Variants in TMEM178B observed in about 807,000 individuals in gnomAD.
TMEM178B encodes transmembrane protein 178B.
TMEM178B carries 5 observed loss-of-function variants against 31.0 expected under a neutral mutation model. The ratio of observed to expected loss-of-function variants is 0.16; its 90% CI spans 0.08 to 0.34. The LOEUF (loss-of-function observed/expected upper bound fraction) is 0.34. Among genes scored for constraint, TMEM178B ranks in the 10% least tolerant of loss-of-function variants. The pLI, the probability that TMEM178B is intolerant of heterozygous loss-of-function variation, is 1.00. For synonymous variants in TMEM178B, 164 were observed against 164.0 expected (o/e 1.00, Z 0.00); for missense variants, 275 against 400.3 (o/e 0.69, Z 2.67).
chr7:141,110,185 T>G (rs1227514298), intron 1 of TMEM178B, among the ~76,000 whole-genome samples: 1 of 152,236 alleles, frequency 6.6e-6, no homozygotes, highest in Non-Finnish European at 1.5e-5. Flanking sequence ...GTTTCTTTAT[T>G]CATTCAACAG....
At chr7:141,200,428 A>G (rs541262263) in intron 1 of TMEM178B, among the ~76,000 whole-genome samples, 8 of 152,224 alleles carry the variant, frequency 5.3e-5, no homozygotes, top group African/African-American at 1.9e-4. Flanking sequence ...GGGGGGAGAC[A>G]GGATGGCTTG....
At chr7:141,183,821 T>C (rs1796567558) in intron 1 of TMEM178B, among the ~76,000 whole-genome samples, 1 of 152,216 alleles carries the variant, frequency 6.6e-6, no homozygotes, top group Non-Finnish European at 1.5e-5. Flanking sequence ...AAGTGACAGG[T>C]CCTGAGCTGA....
intron 2 of TMEM178B, among the ~76,000 whole-genome samples, chr7:141,314,075 G>A (rs188898186): frequency 6.6e-5 from 10 of 152,318 alleles, no homozygotes; most frequent in African/African-American, 2.4e-4. Flanking sequence ...CCTCGGCTGA[G>A]TATCACCACC....
At position 141,422,127 on chromosome 7, in the gene TMEM178B, A is replaced by C. The variant is rs117861257; in HGVS notation, c.497-15481A>C. 7.6e-3 allele frequency among the ~76,000 whole-genome samples: 1,162 copies of C among 152,234 alleles called. 6 individuals carry two copies. The highest frequency in any genetic ancestry group is 0.013 in the Non-Finnish European group (851 of 68,012). The stretch of plus-strand genomic sequence containing the variant: ...TCAGCTTCTTTATTTTTACGATTCT[A>C]CCTGCTCCCTGTTAACCCTATTACT... On this transcript the variant is annotated intron_variant, in intron 2 of 3. Coordinates refer to ENST00000565468, the MANE Select transcript of TMEM178B (RefSeq NM_001195278.2). The surrounding 1 kb of genome is among the most constrained non-coding windows in gnomAD (Gnocchi z 4.2).
At chr7:141,176,053 C>T (rs1186699022) in intron 1 of TMEM178B, among the ~76,000 whole-genome samples, 1 of 152,146 alleles carries the variant, frequency 6.6e-6, no homozygotes, top group Non-Finnish European at 1.5e-5. Flanking sequence ...AAAGGGAATG[C>T]TTCCAGTTTT....
intron 2 of TMEM178B, among the ~76,000 whole-genome samples, chr7:141,256,525 G>A (rs974508955): frequency 1.3e-5 from 2 of 152,188 alleles, no homozygotes; most frequent in South Asian, 2.1e-4. Context: ...GGTAGGGTTG[G>A]GGGTGTAGCC....
intron 1 of TMEM178B, among the ~76,000 whole-genome samples, chr7:141,130,517 T>C (rs1795577125): frequency 6.6e-6 from 1 of 152,212 alleles, no homozygotes; most frequent in South Asian, 2.1e-4. Context: ...AGCAGTTTGT[T>C]CTTTTTATTG....
At chr7:141,493,791 G>A in the TMEM178B span, among the ~76,000 whole-genome samples, 6 of 151,986 alleles carry the variant, frequency 3.9e-5, no homozygotes, top group South Asian at 1.2e-3. Context: ...CCTTCACCTG[G>A]TCTTCTAGAT....
chr7:141,235,783 T>C (rs909060835), intron 2 of TMEM178B, among the ~76,000 whole-genome samples: 4 of 152,212 alleles, frequency 2.6e-5, no homozygotes, highest in Non-Finnish European at 2.9e-5. Flanking sequence ...GGGCTCATTA[T>C]TGACCGAGCC....
intron 1 of TMEM178B, among the ~76,000 whole-genome samples, chr7:141,153,025 C>T (rs1183729645): frequency 6.6e-6 from 1 of 152,120 alleles, no homozygotes; most frequent in Non-Finnish European, 1.5e-5. Flanking sequence ...GCTGATAAAT[C>T]GTGGAACCAA....
chr7:141,426,486 A>G (rs936191986), intron 2 of TMEM178B, among the ~76,000 whole-genome samples: 1 of 152,200 alleles, frequency 6.6e-6, no homozygotes, highest in East Asian at 1.9e-4. Context: ...AGAGACATTT[A>G]CTTTTTAGGG....
At chr7:141,177,962 G>A (rs1260748810) in intron 1 of TMEM178B, among the ~76,000 whole-genome samples, 6 of 152,158 alleles carry the variant, frequency 3.9e-5, no homozygotes, top group African/African-American at 1.4e-4. Context: ...ATATTGTTAT[G>A]TGTGAATTTG....
chr7:141,387,666 C>T (rs533245608), intron 2 of TMEM178B, among the ~76,000 whole-genome samples: 3 of 152,280 alleles, frequency 2.0e-5, no homozygotes, highest in South Asian at 2.1e-4. Flanking sequence ...TCAGCCTTCT[C>T]GTATCTGCGC....
chr7:141,188,106 A>T (rs1796640582), intron 1 of TMEM178B, among the ~76,000 whole-genome samples: 1 of 152,044 alleles, frequency 6.6e-6, no homozygotes, highest in Non-Finnish European at 1.5e-5. Context: ...ATCCATCTTG[A>T]ATTAATTTTT....
chr7:141,315,992 C>T (rs759070828), intron 2 of TMEM178B, among the ~76,000 whole-genome samples: 1 of 152,128 alleles, frequency 6.6e-6, no homozygotes, highest in Admixed American at 6.5e-5. Context: ...GCTGAGGCCT[C>T]CTAATAGGAT....
intron 1 of TMEM178B, among the ~76,000 whole-genome samples, chr7:141,118,725 G>T (rs1376987424): frequency 6.6e-5 from 10 of 152,184 alleles, no homozygotes; most frequent in African/African-American, 2.2e-4. Context: ...CATTATTTCA[G>T]ATCTGGTTAA....
At chr7:141,503,818 A>G in the TMEM178B span, among the ~76,000 whole-genome samples, 3 of 152,184 alleles carry the variant, frequency 2.0e-5, no homozygotes, top group Admixed American at 1.3e-4. Flanking sequence ...GAACAGGTCT[A>G]TTTGCACTGT....
At chr7:141,370,764 G>A (rs73739818) in intron 2 of TMEM178B, among the ~76,000 whole-genome samples, 2,637 of 152,306 alleles carry the variant, frequency 0.017, 68 homozygotes, top group African/African-American at 0.058. Flanking sequence ...AGGATTAGAA[G>A]AAACACAGCG....
chr7:141,310,674 G>A (rs571067533), intron 2 of TMEM178B, among the ~76,000 whole-genome samples: 1 of 152,220 alleles, frequency 6.6e-6, no homozygotes, highest in Admixed American at 6.5e-5. Flanking sequence ...CGAGGCTGTG[G>A]ACAAATAACG....
Sources: allele counts gnomAD v4.1 joint callset (sites outside exome capture counted in the v4.1 genomes callset), GRCh38; gene constraint gnomAD v4.1.1; non-coding constraint Gnocchi (gnomAD v3.1); transcripts MANE v1.5; gene names NCBI Gene and HGNC (gene_info 2026-07-23, HGNC 2026-07-21).